Variants in STON2 observed in about 807,000 individuals in gnomAD.
The protein encoded by STON2 is stonin-2.
Under a neutral mutation model 65.7 loss-of-function variants are expected in STON2, and 29 were observed. The observed-to-expected ratio is 0.44, with a 90% CI of 0.33 to 0.60. The LOEUF is 0.60. Ranked by LOEUF, STON2 falls within the 20% of genes least tolerant of loss-of-function variation. The pLI, the probability that STON2 is intolerant of heterozygous loss-of-function variation, is 0.03. For synonymous variants in STON2, 404 were observed against 414.2 expected (o/e 0.98, Z 0.30); for missense variants, 1,054 against 1,118.1 (o/e 0.94, Z 0.82).
intron 4 of STON2, among the ~76,000 whole-genome samples, chr14:81,351,206 G>T (rs1898011928): frequency 6.7e-6 from 1 of 149,174 alleles, no homozygotes; most frequent in Non-Finnish European, 1.5e-5. Context: ...CTGGTGGGAG[G>T]CAAGGGATAA....
chr14:81,408,026 T>C lies in STON2; in HGVS notation c.-198-9446A>G, dbSNP rs531274121. Among the ~76,000 whole-genome samples, 95 of 152,100 alleles carry C rather than the reference T, an allele frequency of 6.2e-4. No homozygotes were observed. In the South Asian group the frequency reaches 0.017, roughly 28 times the overall value. On this transcript the variant is annotated intron_variant, in intron 2 of 8. Transcript: ENST00000553821. ...CCATTACCCTGTGAGGAAGACTAAA[T>C]TAGATTAAGGACTTGAATACTGCTT...
chr14:81,431,470 T>C (rs1243620689), intron 1 of STON2, among the ~76,000 whole-genome samples: 2 of 152,038 alleles, frequency 1.3e-5, no homozygotes, highest in Non-Finnish European at 2.9e-5. Context: ...AAACCTCATC[T>C]CTACTAAAAA....
chr14:81,315,072 G>T (rs1205392640), intron 5 of STON2, among the ~76,000 whole-genome samples: 5 of 152,168 alleles, frequency 3.3e-5, no homozygotes, highest in Non-Finnish European at 7.3e-5. Flanking sequence ...AAGATACAGA[G>T]TTGGTTAGAA....
In STON2 at chr14:81,261,674, T is replaced by C. The variant is rs574767416; in HGVS notation, c.*6740A>G. ...AAATGACAAATATATATATACCTCATTGATTATCCTATCATCCCCAGTACT... is the reference window on the plus strand; with the variant it reads ...AAATGACAAATATATATATACCTCACTGATTATCCTATCATCCCCAGTACT... On this transcript the variant is annotated 3_prime_UTR_variant, in exon 8 of 8. Coordinates refer to ENST00000614646, the MANE Select transcript of STON2 (RefSeq NM_001394390.1). 3 of 1,050,836 alleles carry C rather than the reference T, an allele frequency of 2.9e-6. No homozygotes were observed. Among genetic ancestry groups the C allele is most frequent in the South Asian group, 2.5e-5 (1 of 40,280 alleles). The allele number at this position is 1,050,836 out of a possible 1,614,324, so 65.1% of individuals were successfully genotyped here. A position where few individuals can be genotyped will look rare whatever the true frequency, so the allele number is the denominator to read the frequency against.
At chr14:81,301,614 A>C (rs556085642) in intron 5 of STON2, among the ~76,000 whole-genome samples, 1 of 152,232 alleles carries the variant, frequency 6.6e-6, no homozygotes, top group South Asian at 2.1e-4. Flanking sequence ...GAATGTCTGA[A>C]GACATTGAGA....
chr14:81,386,229 A>G (rs1384451680), intron 3 of STON2, among the ~76,000 whole-genome samples: 3 of 152,218 alleles, frequency 2.0e-5, no homozygotes, highest in Admixed American at 2.0e-4. Flanking sequence ...GTATTAAAAA[A>G]AATAAAGCCT....
Position 81,370,995 on chromosome 14 carries a change from G to A in STON2, c.564C>T (p.Asp188=). Reference sequence around the variant, plus strand: ...CTTAGAGCTCCATCTTACCAGTTGAGTCAGCCCCAGAAGCCTGGCCACTCG... The same window carrying A: ...CTTAGAGCTCCATCTTACCAGTTGAATCAGCCCCAGAAGCCTGGCCACTCG... ...EQTSGQASGA[D]STDKRTEWQT... The change falls in exon 4 of 8, where the codon GAC becomes GAT. Residue 188 remains aspartate, a synonymous_variant. Coordinates refer to ENST00000614646, the MANE Select transcript of STON2 (RefSeq NM_001394390.1). The A allele has an allele frequency of 6.2e-7, 1 of 1,612,482 alleles. No individual in the cohort carries two copies.
chr14:81,270,435 T>G, intron 7 of STON2: 1 of 1,445,374 alleles, frequency 6.9e-7, no homozygotes, highest in East Asian at 2.4e-5. Context: ...AGACATTATA[T>G]TCTCCTCTTT....
chr14:81,432,141 T>C (rs955193664), intron 1 of STON2, among the ~76,000 whole-genome samples: 5 of 152,068 alleles, frequency 3.3e-5, no homozygotes, highest in African/African-American at 1.2e-4. Context: ...GGACCCTAGG[T>C]AGAGTTCAAA....
intron 2 of STON2, among the ~76,000 whole-genome samples, chr14:81,422,782 G>A (rs1315903329): frequency 2.6e-5 from 4 of 151,934 alleles, no homozygotes; most frequent in Non-Finnish European, 4.4e-5. Flanking sequence ...GCCTGTAATC[G>A]CAGCACTTTG....
At chr14:81,303,639 T>C (rs577259886) in intron 5 of STON2, among the ~76,000 whole-genome samples, 1 of 152,302 alleles carries the variant, frequency 6.6e-6, no homozygotes, top group East Asian at 1.9e-4. Flanking sequence ...GTCACCCTCT[T>C]CCTCAGTGAG....
chr14:81,265,532 G>A lies in STON2; in HGVS notation c.*2882C>T. On this transcript the variant is annotated 3_prime_UTR_variant, in exon 8 of 8. Coordinates refer to ENST00000614646, the MANE Select transcript of STON2 (RefSeq NM_001394390.1). Reference sequence around the variant, plus strand: ...TAGTGGTGCATGGTGGCAGGCGCCTGTAATCCCAGCTACTCAGGAGGCTGA... The same window carrying A: ...TAGTGGTGCATGGTGGCAGGCGCCTATAATCCCAGCTACTCAGGAGGCTGA... 3.4e-6 allele frequency: 1 copy of A among 297,074 alleles called. No individual in the cohort carries two copies. Among genetic ancestry groups the A allele is most frequent in the Non-Finnish European group, 5.0e-6 (1 of 200,860 alleles). 18.4% of individuals were successfully genotyped at this position (297,074 alleles called of 1,614,324 possible).
intron 4 of STON2, among the ~76,000 whole-genome samples, chr14:81,339,040 G>A (rs1049507897): frequency 6.6e-6 from 1 of 151,994 alleles, no homozygotes; most frequent in Non-Finnish European, 1.5e-5. Flanking sequence ...TGGATGAAGA[G>A]GACATTCGAT....
At chr14:81,333,899 G>A (rs532802027) in intron 4 of STON2, among the ~76,000 whole-genome samples, 72 of 152,306 alleles carry the variant, frequency 4.7e-4, no homozygotes, top group East Asian at 5.8e-4. Flanking sequence ...GATTTCTAAT[G>A]AAAACATTTA....
At chr14:81,316,790 G>T (rs1896637803) in intron 5 of STON2, among the ~76,000 whole-genome samples, 1 of 152,194 alleles carries the variant, frequency 6.6e-6, no homozygotes, top group Non-Finnish European at 1.5e-5. Context: ...GGAGGCCAAG[G>T]CGGGTGGATC....
chr14:81,293,272 T>TA lies in STON2; in HGVS notation c.743-14534dup, dbSNP rs1228733280. Among the ~76,000 whole-genome samples the TA allele has an allele frequency of 2.0e-5, 3 of 151,914 alleles. No individual in the cohort carries two copies. The East Asian group carries it at 5.8e-4, about 29-fold the overall frequency. On this transcript the variant is annotated intron_variant, in intron 5 of 7. Coordinates refer to ENST00000614646, the MANE Select transcript of STON2 (RefSeq NM_001394390.1). ...CACTGCAACCTCTGCCTCCTGGGTT[T>TA]AAGCCATTCTCCTGCCTCAGCCTCC... is the stretch of plus-strand genomic sequence containing the variant.
At chr14:81,373,074 T>C (rs1899077148) in intron 3 of STON2, among the ~76,000 whole-genome samples, 1 of 152,158 alleles carries the variant, frequency 6.6e-6, no homozygotes, top group African/African-American at 2.4e-5. Context: ...CTTAGTGTTA[T>C]CACTGTCTAA....
chr14:81,366,397 G>A lies in STON2; in HGVS notation c.571+4591C>T, dbSNP rs543286199. On this transcript the variant is annotated intron_variant, in intron 4 of 7. Transcript: ENST00000614646. ...GCAAATAGGCTGGGCCCAGAGCACC[G>A]TAATCCCTCTCCAAACAAGAGATGA... 6.6e-5 allele frequency among the ~76,000 whole-genome samples: 10 copies of A among 152,222 alleles called. No homozygotes were observed. The South Asian group carries it at 1.9e-3, about 28-fold the overall frequency.
chr14:81,402,758 G>A (rs534971070), upstream of STON2, among the ~76,000 whole-genome samples: 3 of 152,184 alleles, frequency 2.0e-5, no homozygotes, highest in South Asian at 4.2e-4. Flanking sequence ...GATCTCTCAC[G>A]CAGACAGTTG....
Sources: allele counts gnomAD v4.1 joint callset (sites outside exome capture counted in the v4.1 genomes callset), GRCh38; gene constraint gnomAD v4.1.1; transcripts MANE v1.5; gene names NCBI Gene and HGNC (gene_info 2026-07-23, HGNC 2026-07-21).